TRIO: variants seen among roughly 807,000 people sequenced by gnomAD.
The protein encoded by TRIO is triple functional domain protein.
In TRIO, 58 loss-of-function variants were observed where a neutral mutation model predicts 351.9. That is an observed-to-expected ratio of 0.16 (90% confidence interval 0.13 to 0.21). TRIO has a LOEUF of 0.21. Among genes scored for constraint, TRIO ranks in the 10% least tolerant of loss-of-function variants. TRIO has a pLI of 1.00. For synonymous variants in TRIO, 1,758 were observed against 1,595.7 expected (o/e 1.10, Z -2.42); for missense variants, 3,201 against 4,027.8 (o/e 0.79, Z 5.56).
intron 1 of TRIO, among the ~76,000 whole-genome samples, chr5:14,163,096 T>C (rs982766123): frequency 4.6e-5 from 7 of 152,336 alleles, no homozygotes; most frequent in Admixed American, 6.5e-5. Context: ...TTGTTACACC[T>C]ATCAACTCAT....
At chr5:14,486,523 A>G (rs757499022) in intron 47 of TRIO, among the ~76,000 whole-genome samples, 59 of 152,156 alleles carry the variant, frequency 3.9e-4, no homozygotes, top group Non-Finnish European at 6.5e-4. Flanking sequence ...AAGAGGTTCA[A>G]TGTGGTGTTC....
In TRIO at chr5:14,487,835, G is replaced by A. The variant is rs1579803701; in HGVS notation, c.7207G>A (p.Glu2403Lys). The change falls in exon 48 of 57, where the codon GAG becomes AAG. Residue 2403 changes from glutamate (E) to lysine (K), a missense_variant. This residue lies in a region of TRIO where 1,089 missense variants were observed against 954.9 expected (regional missense o/e 1.14). Transcript: ENST00000344204. Reference sequence around the variant, plus strand: ...CCCCGGCGCGGACGCCGAGGGGTCCGAGCGAGAAGCGGAGCCGATCCCCAA... The same window carrying A: ...CCCCGGCGCGGACGCCGAGGGGTCCAAGCGAGAAGCGGAGCCGATCCCCAA... ...RPPGADAEGS[E>K]REAEPIPKMK... The A allele has an allele frequency of 2.6e-6, 4 of 1,515,558 alleles. No individual in the cohort carries two copies. The highest frequency in any genetic ancestry group is 3.5e-6 in the Non-Finnish European group (4 of 1,131,122). The allele number at this position is 1,515,558 out of a possible 1,614,324, so 93.9% of individuals were successfully genotyped here. A position where few individuals can be genotyped will look rare whatever the true frequency, so the allele number is the denominator to read the frequency against.
chr5:14,486,631 C>T (rs1247345979), intron 47 of TRIO, among the ~76,000 whole-genome samples: 1 of 152,158 alleles, frequency 6.6e-6, no homozygotes, highest in Non-Finnish European at 1.5e-5. Context: ...CCCCAGATTG[C>T]ACGCATGGTC....
Position 14,381,131 on chromosome 5 carries a change from CT to C in TRIO, c.3452del (p.Leu1151TrpfsTer29). The C allele has an allele frequency of 6.2e-7, 1 of 1,613,442 alleles. No homozygotes were observed. The highest frequency in any genetic ancestry group is 8.5e-7 in the Non-Finnish European group (1 of 1,179,676). On this transcript the variant is annotated frameshift_variant and splice_region_variant, in exon 21 of 57. Transcript: ENST00000344204. LOFTEE classifies it high-confidence loss of function. The stretch of plus-strand genomic sequence containing the variant: ...TCCATTCATTCCTTCCCCTTCCAGG[CT>C]TTGGAATGGATCCATGACAATGGCG... ...YVVFERSAKQ[A>X]LEWIHDNGEF...
intron 21 of TRIO, among the ~76,000 whole-genome samples, chr5:14,382,455 C>T (rs1369758037): frequency 6.6e-6 from 1 of 152,192 alleles, no homozygotes; most frequent in Non-Finnish European, 1.5e-5. Flanking sequence ...GAGGCTCACA[C>T]AGGCAAGCAG....
rs115328275 is a variant in TRIO at position 14,385,758 on chromosome 5, A to C, written c.3571-1680A>C. On this transcript the variant is annotated intron_variant, in intron 21 of 56. Coordinates refer to ENST00000344204, the MANE Select transcript of TRIO (RefSeq NM_007118.4). ...AGTAAAAATATACTGAGATATTTTT[A>C]AAGTTCATAGGTTAGCAGATTTATG... 8.6e-3 allele frequency among the ~76,000 whole-genome samples: 1,303 copies of C among 152,352 alleles called. 15 individuals carry two copies. Among genetic ancestry groups the C allele is most frequent in the African/African-American group, 0.029 (1,224 of 41,578 alleles).
At chr5:14,462,628 G>A (rs552288396) in intron 35 of TRIO, 127 bp from the exon 36 acceptor site, 25 of 1,323,278 alleles carry the variant, frequency 1.9e-5, no homozygotes, top group African/African-American at 3.0e-5. Context: ...CATCGAGGTC[G>A]AGAATAGCTT....
intron 4 of TRIO, among the ~76,000 whole-genome samples, chr5:14,289,556 TA>T (rs970211653): frequency 2.8e-4 from 37 of 132,118 alleles, no homozygotes; most frequent in East Asian, 4.0e-4. Flanking sequence ...TTTCCTTTTT[TA>T]AAAAAAAAGG....
intron 1 of TRIO, among the ~76,000 whole-genome samples, chr5:14,213,888 C>T (rs1255140188): frequency 6.6e-6 from 1 of 152,218 alleles, no homozygotes; most frequent in Non-Finnish European, 1.5e-5. Flanking sequence ...AGGAGACTGA[C>T]AGTGAGGGAC....
chr5:14,361,540 T>C (rs1242827496), intron 13 of TRIO, among the ~76,000 whole-genome samples: 2 of 152,240 alleles, frequency 1.3e-5, no homozygotes, highest in African/African-American at 4.8e-5. Flanking sequence ...AGGTTTCCTC[T>C]GTTATCCAGG....
chr5:14,379,406 A>G (rs1456939883), intron 20 of TRIO, among the ~76,000 whole-genome samples: 1 of 152,230 alleles, frequency 6.6e-6, no homozygotes, highest in Admixed American at 6.5e-5. Context: ...GACGCAGCCC[A>G]TGCTCAGAAC....
chr5:14,258,560 ACGTT>A (rs1795157657), intron 1 of TRIO, among the ~76,000 whole-genome samples: 1 of 152,194 alleles, frequency 6.6e-6, no homozygotes, highest in Non-Finnish European at 1.5e-5. Context: ...AGCCTACAAG[ACGTT>A]CAGCTTTGCA....
chr5:14,305,636 G>A (rs1738296758), intron 8 of TRIO, among the ~76,000 whole-genome samples: 2 of 152,176 alleles, frequency 1.3e-5, no homozygotes, highest in South Asian at 2.1e-4. Flanking sequence ...ACTTGTCAAA[G>A]TTGTTGGGAA....
chr5:14,508,667 C>G lies in TRIO; in HGVS notation c.*245C>G, dbSNP rs1180261662. On this transcript the variant is annotated 3_prime_UTR_variant, in exon 57 of 57. Transcript: ENST00000344204. ...CATTGCTGTATCACAGTATTTTATT[C>G]AGGTTTCTGCAAAAAAATAAAAAGA... The G allele has an allele frequency of 2.4e-6, 1 of 417,994 alleles. No homozygotes were observed. Among genetic ancestry groups the G allele is most frequent in the African/African-American group, 2.0e-5 (1 of 49,188 alleles). 25.9% of individuals were successfully genotyped at this position (417,994 alleles called of 1,614,324 possible).
intron 1 of TRIO, among the ~76,000 whole-genome samples, chr5:14,179,836 A>T (rs901816315): frequency 2.0e-5 from 3 of 152,130 alleles, no homozygotes; most frequent in African/African-American, 7.2e-5. Context: ...TCAGGTGTGT[A>T]ATCCCGGCAC....
intron 3 of TRIO, among the ~76,000 whole-genome samples, chr5:14,282,419 G>C (rs1736082024): frequency 6.6e-6 from 1 of 152,048 alleles, no homozygotes. Flanking sequence ...ATTCACTCTT[G>C]TGAATTTGAA....
At chr5:14,340,546 C>A (rs1004887735) in intron 11 of TRIO, among the ~76,000 whole-genome samples, 5 of 152,164 alleles carry the variant, frequency 3.3e-5, no homozygotes, top group African/African-American at 1.2e-4. Context: ...CTCACTTTAT[C>A]TGGAGTATAG....
Position 14,463,843 on chromosome 5 carries a change from C to T in TRIO, c.5667+918C>T, listed in dbSNP as rs200228701. Among the ~76,000 whole-genome samples, 7 of 152,258 alleles carry T rather than the reference C, an allele frequency of 4.6e-5. No individual in the cohort carries two copies. In the East Asian group the frequency reaches 5.8e-4, roughly 13 times the overall value. The stretch of plus-strand genomic sequence containing the variant: ...TTTACGACATGGGATTGGCCTCAGC[C>T]GGTGCTTAGCAGCTGTGAGGCCAAG... On this transcript the variant is annotated intron_variant, in intron 36 of 56. Transcript: ENST00000344204.
intron 34 of TRIO, among the ~76,000 whole-genome samples, chr5:14,423,242 G>C (rs115759404): frequency 0.032 from 4,856 of 152,306 alleles, 263 homozygotes; most frequent in African/African-American, 0.11. Context: ...CCTAGGCCTG[G>C]AGGCTGTGTC....
Sources: allele counts gnomAD v4.1 joint callset (sites outside exome capture counted in the v4.1 genomes callset), GRCh38; gene constraint gnomAD v4.1.1; regional missense constraint gnomAD v4.1.1; transcripts MANE v1.5; gene names NCBI Gene and HGNC (gene_info 2026-07-23, HGNC 2026-07-21).